PEX10: variants seen among roughly 807,000 people sequenced by gnomAD.
PEX10 encodes peroxisomal biogenesis factor 10.
PEX10 carries 32 observed loss-of-function variants against 38.0 expected under a neutral mutation model. The observed-to-expected ratio is 0.84, with a 90% CI of 0.63 to 1.13. PEX10 has a LOEUF of 1.13. PEX10 is among the 50% of genes most tolerant of loss of function. The pLI, the probability that PEX10 is intolerant of heterozygous loss-of-function variation, is 0.00. For synonymous variants in PEX10, 206 were observed against 207.3 expected (o/e 0.99, Z 0.05); for missense variants, 483 against 457.7 (o/e 1.06, Z -0.51).
intron 2 of PEX10, 78 bp from the exon 3 acceptor site, chr1:2,408,936 C>A (rs889150573): frequency 8.5e-6 from 12 of 1,415,396 alleles, no homozygotes; most frequent in Non-Finnish European, 9.8e-6. Context: ...TGCCAGCCGA[C>A]CCTCTGCTGG....
Position 2,408,568 on chromosome 1 carries a change from G to T in PEX10, c.484C>A (p.Arg162=), listed in dbSNP as rs570706924. The T allele has an allele frequency of 6.2e-7, 1 of 1,612,012 alleles. No individual in the cohort carries two copies. Among genetic ancestry groups the T allele is most frequent in the African/African-American group, 1.3e-5 (1 of 74,944 alleles). ...CCCTGTCTGAGGACGAAGACCGCCC[G>T]CAGCAGCGCCCTCCTCTGCTGCTCA... ...LTEQQRRALL[R]AVFVLRQGLA... is the part of the protein sequence containing the mutation. Residue 162 remains arginine, a synonymous_variant, in exon 3 of 6, where the codon CGG becomes AGG. Coordinates refer to ENST00000447513, the MANE Select transcript of PEX10 (RefSeq NM_002617.4).
At position 2,406,913 on chromosome 1, in the gene PEX10, C is replaced by T. The variant is rs149822209; in HGVS notation, c.601-18G>A. ...ACACGGAGCTGTAAGGCAGATGGCG[C>T]CACACTCATCAGGACCCTGAGGGGA... On this transcript the variant is annotated intron_variant, in intron 3 of 5. Coordinates refer to ENST00000447513, the MANE Select transcript of PEX10 (RefSeq NM_002617.4). 1 of 1,605,026 alleles carries T rather than the reference C, an allele frequency of 6.2e-7. No homozygotes were observed. Among genetic ancestry groups the T allele is most frequent in the African/African-American group, 1.3e-5 (1 of 74,878 alleles).
chr1:2,405,925 C>T, intron 5 of PEX10, 91 bp from the exon 6 acceptor site: 4 of 942,040 alleles, frequency 4.2e-6, no homozygotes, highest in Non-Finnish European at 6.6e-6. Context: ...ACATTCTCTG[C>T]ACATGACACA....
intron 5 of PEX10, 104 bp downstream of exon 5, chr1:2,406,380 C>G: frequency 6.8e-7 from 1 of 1,480,174 alleles, no homozygotes; most frequent in Non-Finnish European, 9.3e-7. Context: ...ACCCTCAAAA[C>G]TGGAGGGTGC....
chr1:2,407,428 CCAGA>C (rs1643047303), intron 3 of PEX10, among the ~76,000 whole-genome samples: 1 of 152,198 alleles, frequency 6.6e-6, no homozygotes. Context: ...ATGGAGACAG[CCAGA>C]CAGCCTCGGC....
chr1:2,412,717 G>C (rs1213562216), upstream of PEX10: 1 of 352,270 alleles, frequency 2.8e-6, no homozygotes, highest in Non-Finnish European at 5.1e-6. Flanking sequence ...GGGGCAGCGG[G>C]AAGGTAGTCG....
chr1:2,409,920 C>T lies in PEX10; in HGVS notation c.193+451G>A, dbSNP rs377530881. The T allele has an allele frequency of 1.0e-4, 21 of 204,270 alleles. No individual in the cohort carries two copies. Among genetic ancestry groups the T allele is most frequent in the South Asian group, 2.3e-4 (3 of 12,784 alleles). The allele number at this position is 204,270 out of a possible 1,614,324, so 12.7% of individuals were successfully genotyped here. ...CCTCGTAGGGAACCAGGCTGGCACT[C>T]GGTGGTCCTTGCTACATGCTGAGCT... On this transcript the variant is annotated intron_variant, in intron 2 of 5. Coordinates refer to ENST00000447513, the MANE Select transcript of PEX10 (RefSeq NM_002617.4). This position sits in a 1 kb window ranked among gnomAD's most constrained non-coding sequence, Gnocchi z 6.2.
rs1049718280 is a variant in PEX10 at position 2,411,985 on chromosome 1, G to A, written c.112+406C>T. Among the ~76,000 whole-genome samples, 3 of 152,250 alleles carry A rather than the reference G, an allele frequency of 2.0e-5. No individual in the cohort carries two copies. The East Asian group carries it at 5.8e-4, about 29-fold the overall frequency. On this transcript the variant is annotated intron_variant, in intron 1 of 5. Transcript: ENST00000447513. ...AACCGGACCGAGGTATGAGGCGTTC[G>A]CGCCGCGGGCGCTCTGACCCCTCTG...
chr1:2,412,952 A>G (rs1039981334), upstream of PEX10, among the ~76,000 whole-genome samples: 2 of 152,138 alleles, frequency 1.3e-5, no homozygotes, highest in African/African-American at 2.4e-5. Flanking sequence ...AGGCCCATTT[A>G]CGGCTGGGGA....
chr1:2,406,888 A>G lies in PEX10; in HGVS notation c.608T>C (p.Val203Ala). 6.2e-7 allele frequency: 1 copy of G among 1,608,896 alleles called. No individual in the cohort carries two copies. Among genetic ancestry groups the G allele is most frequent in the Non-Finnish European group, 8.5e-7 (1 of 1,178,056 alleles). Reference protein sequence around the residue: ...KRLTGITYLRVRSLPGEDLRA... With the variant: ...KRLTGITYLRARSLPGEDLRA... Reference sequence around the variant, plus strand: ...CAGGTCCTCTCCGGGCAGGCTGCGGACACGGAGCTGTAAGGCAGATGGCGC... The same window carrying G: ...CAGGTCCTCTCCGGGCAGGCTGCGGGCACGGAGCTGTAAGGCAGATGGCGC... The change falls in exon 4 of 6, where the codon GTC becomes GCC. Residue 203 changes from valine (V) to alanine (A), a missense_variant. Val to Ala is a moderately conservative substitution (Grantham distance 64, BLOSUM62 0). Coordinates refer to ENST00000447513, the MANE Select transcript of PEX10 (RefSeq NM_002617.4).
At chr1:2,411,311 C>T (rs1314923210) in intron 1 of PEX10, among the ~76,000 whole-genome samples, 1 of 142,462 alleles carries the variant, frequency 7.0e-6, no homozygotes, top group Non-Finnish European at 1.5e-5. Context: ...TCTTGGCTTA[C>T]TGCAACCTCC....
At chr1:2,408,906 G>A (rs766765054) in intron 2 of PEX10, 48 bp from the exon 3 acceptor site, 2 of 1,593,948 alleles carry the variant, frequency 1.3e-6, no homozygotes, top group East Asian at 2.2e-5. Context: ...GCTGCCGCGG[G>A]GACAGGCTCC....
intron 1 of PEX10, among the ~76,000 whole-genome samples, chr1:2,412,126 G>A (rs1418694453): frequency 6.6e-6 from 1 of 152,262 alleles, no homozygotes; most frequent in Non-Finnish European, 1.5e-5. Flanking sequence ...GCTGGGGACG[G>A]GAAGGGCTTG....
intron 5 of PEX10, 75 bp downstream of exon 5, chr1:2,406,409 C>T: frequency 6.3e-7 from 1 of 1,589,564 alleles, no homozygotes; most frequent in South Asian, 1.1e-5. Context: ...AGACTCCCCA[C>T]TTCTGCTGCA....
upstream of PEX10, among the ~76,000 whole-genome samples, chr1:2,413,004 A>G (rs1042252451): frequency 2.6e-5 from 4 of 152,204 alleles, no homozygotes; most frequent in African/African-American, 4.8e-5. Flanking sequence ...CCGAGCTCCC[A>G]GCGCCGGCCG....
intron 1 of PEX10, among the ~76,000 whole-genome samples, chr1:2,412,026 C>A (rs1372808709): frequency 6.6e-6 from 1 of 152,242 alleles, no homozygotes; most frequent in African/African-American, 2.4e-5. Flanking sequence ...AGGGGAGGAT[C>A]GGAGGGAGGC....
rs149822209 is a variant in PEX10, at chr1:2,406,913, C to G, written c.601-18G>C. ...ACACGGAGCTGTAAGGCAGATGGCG[C>G]CACACTCATCAGGACCCTGAGGGGA... On this transcript the variant is annotated intron_variant, in intron 3 of 5. Coordinates refer to ENST00000447513, the MANE Select transcript of PEX10 (RefSeq NM_002617.4). 1.3e-5 allele frequency: 21 copies of G among 1,604,908 alleles called. No homozygotes were observed. The highest frequency in any genetic ancestry group is 8.5e-5 in the Admixed American group (5 of 59,034).
upstream of PEX10, among the ~76,000 whole-genome samples, chr1:2,413,135 G>A (rs1436160571): frequency 6.6e-6 from 1 of 152,246 alleles, no homozygotes; most frequent in African/African-American, 2.4e-5. Flanking sequence ...GACCTTCCAG[G>A]CCCCGAGCAG....
chr1:2,410,602 T>G lies in PEX10; in HGVS notation c.113-151A>C. ...ACTCCCTGGCCTCCCTCTCTGCTTC[T>G]GTCTCCGGAGGCACCACCTTGACTT... On this transcript the variant is annotated intron_variant, in intron 1 of 5. Transcript: ENST00000447513. This position sits in a 1 kb window ranked among gnomAD's most constrained non-coding sequence, Gnocchi z 5.1. The G allele has an allele frequency of 1.4e-6, 1 of 709,512 alleles. No homozygotes were observed. The highest frequency in any genetic ancestry group is 1.7e-5 in the African/African-American group (1 of 57,298). The allele number at this position is 709,512 out of a possible 1,614,324, so 44.0% of individuals were successfully genotyped here.
Sources: allele counts gnomAD v4.1 joint callset (sites outside exome capture counted in the v4.1 genomes callset), GRCh38; gene constraint gnomAD v4.1.1; non-coding constraint Gnocchi (gnomAD v3.1); transcripts MANE v1.5; gene names NCBI Gene and HGNC (gene_info 2026-07-23, HGNC 2026-07-21).